SUPT3H: variants seen among roughly 807,000 people sequenced by gnomAD.
SUPT3H encodes SPT3 homolog, SAGA and STAGA complex component.
In SUPT3H, 44 loss-of-function variants were observed where a neutral mutation model predicts 44.3. That is an observed-to-expected ratio of 0.99 (90% CI 0.78 to 1.28). The LOEUF is 1.28. Ranked by LOEUF, SUPT3H falls within the 50% of genes most tolerant of loss-of-function variation. The probability of loss-of-function intolerance (pLI) is 0.00; values close to 1 mark genes in which losing one functional copy is unlikely to be tolerated. For missense variants in SUPT3H, 380 were observed against 387.1 expected (o/e 0.98, Z 0.15); for synonymous variants, 124 against 125.6 (o/e 0.99, Z 0.09).
intron 2 of SUPT3H, among the ~76,000 whole-genome samples, chr6:45,136,618 CAG>C (rs1161968168): frequency 8.1e-5 from 12 of 148,494 alleles, no homozygotes; most frequent in Admixed American, 6.0e-4. Flanking sequence ...AAAAAAAAAA[CAG>C]AAATTCTGGA....
chr6:45,075,485 C>T (rs546691835), intron 3 of SUPT3H, among the ~76,000 whole-genome samples: 125 of 152,188 alleles, frequency 8.2e-4, no homozygotes, highest in African/African-American at 2.9e-3. Flanking sequence ...ATATTTCCTT[C>T]GGAGAGAAAT....
intron 10 of SUPT3H, among the ~76,000 whole-genome samples, chr6:44,896,948 G>A (rs1015075641): frequency 3.3e-5 from 5 of 152,126 alleles, no homozygotes; most frequent in African/African-American, 7.2e-5. Flanking sequence ...GTGCCAAAGC[G>A]CCTTATGCAA....
At chr6:45,038,726 G>A (rs968678937) in intron 3 of SUPT3H, among the ~76,000 whole-genome samples, 9 of 152,006 alleles carry the variant, frequency 5.9e-5, no homozygotes, top group African/African-American at 2.2e-4. Flanking sequence ...AACAAGGCAA[G>A]TGAATACAGC....
intron 2 of SUPT3H, among the ~76,000 whole-genome samples, chr6:45,313,178 C>CA (rs1013571198): frequency 6.6e-6 from 1 of 151,970 alleles, no homozygotes; most frequent in Non-Finnish European, 1.5e-5. Context: ...ACGCCTACAT[C>CA]AAAAAGGTTG....
Position 45,086,402 on chromosome 6 carries a change from T to A in SUPT3H, c.186+19520A>T, listed in dbSNP as rs543663659. ...CATAGGAAATGGTAAACATATAATA[T>A]CACCAAGTCTCCCTTTTTGAAAATT... On this transcript the variant is annotated intron_variant, in intron 3 of 10. Coordinates refer to ENST00000371459, the MANE Select transcript of SUPT3H (RefSeq NM_003599.4). 1.3e-4 allele frequency among the ~76,000 whole-genome samples: 20 copies of A among 152,116 alleles called. 1 individual carries two copies. In the South Asian group the frequency reaches 2.3e-3, roughly 17 times the overall value.
chr6:45,372,440 C>T (rs1179971560), intron 1 of SUPT3H, among the ~76,000 whole-genome samples: 1 of 151,986 alleles, frequency 6.6e-6, no homozygotes, highest in Non-Finnish European at 1.5e-5. Flanking sequence ...TAAGAGTAGA[C>T]CTTTAAAGAC....
intron 2 of SUPT3H, among the ~76,000 whole-genome samples, chr6:45,183,797 C>A (rs1391718219): frequency 6.6e-6 from 1 of 152,128 alleles, no homozygotes; most frequent in Non-Finnish European, 1.5e-5. Flanking sequence ...CTTAAACGTA[C>A]CTTGCTAAGA....
chr6:45,149,200 T>C (rs1310039550), intron 2 of SUPT3H, among the ~76,000 whole-genome samples: 2 of 152,122 alleles, frequency 1.3e-5, no homozygotes. Flanking sequence ...CATCATAAGT[T>C]ACAAATTATA....
At chr6:45,364,081 CT>C (rs1174114461) in intron 2 of SUPT3H, among the ~76,000 whole-genome samples, 3 of 149,960 alleles carry the variant, frequency 2.0e-5, no homozygotes, top group Admixed American at 6.7e-5. Context: ...TGCCACTGCA[CT>C]ACAGCCTGGG....
chr6:45,355,020 G>A (rs1042819547), intron 2 of SUPT3H, among the ~76,000 whole-genome samples: 4 of 152,032 alleles, frequency 2.6e-5, no homozygotes, highest in African/African-American at 9.7e-5. Flanking sequence ...TGTCACCCAG[G>A]CTAAAGTGCA....
At chr6:44,887,136 C>T (rs1314787596) in intron 10 of SUPT3H, among the ~76,000 whole-genome samples, 1 of 152,100 alleles carries the variant, frequency 6.6e-6, no homozygotes, top group South Asian at 2.1e-4. Flanking sequence ...GTGTGACCAA[C>T]AAAGAGACTT....
At chr6:45,044,899 A>G (rs1467000639) in intron 3 of SUPT3H, among the ~76,000 whole-genome samples, 1 of 152,180 alleles carries the variant, frequency 6.6e-6, no homozygotes, top group African/African-American at 2.4e-5. Flanking sequence ...AATAAAAATT[A>G]TTTTAGTGTT....
chr6:45,148,514 C>T (rs1172104259), intron 2 of SUPT3H, among the ~76,000 whole-genome samples: 1 of 152,162 alleles, frequency 6.6e-6, no homozygotes, highest in African/African-American at 2.4e-5. Context: ...CTACAGAAAA[C>T]TGAACCAAGT....
intron 2 of SUPT3H, among the ~76,000 whole-genome samples, chr6:45,212,896 A>G (rs1764369977): frequency 6.6e-6 from 1 of 152,180 alleles, no homozygotes; most frequent in Non-Finnish European, 1.5e-5. Flanking sequence ...ATGATCAAAA[A>G]TTATACAAGG....
intron 3 of SUPT3H, among the ~76,000 whole-genome samples, chr6:45,088,991 A>C (rs931540925): frequency 1.3e-5 from 2 of 152,082 alleles, no homozygotes; most frequent in Non-Finnish European, 1.5e-5. Context: ...TACCAGAATA[A>C]GATGTATTCA....
At chr6:44,830,630 TC>T (rs1379310645) in intron 10 of SUPT3H, among the ~76,000 whole-genome samples, 1 of 152,128 alleles carries the variant, frequency 6.6e-6, no homozygotes, top group East Asian at 1.9e-4. Context: ...CATCCTGAAT[TC>T]CACCATAAGA....
intron 9 of SUPT3H, among the ~76,000 whole-genome samples, chr6:44,937,217 C>T (rs969268258): frequency 4.6e-5 from 7 of 151,878 alleles, no homozygotes; most frequent in Admixed American, 1.3e-4. Context: ...ACTGGCCAGG[C>T]GCAGTGGCTC....
At chr6:44,882,987 G>A (rs992179753) in intron 10 of SUPT3H, among the ~76,000 whole-genome samples, 2 of 152,170 alleles carry the variant, frequency 1.3e-5, no homozygotes, top group African/African-American at 2.4e-5. Context: ...AGACAAGGAT[G>A]GCCTCTCTCA....
chr6:45,102,487 T>C (rs925542949), intron 3 of SUPT3H, among the ~76,000 whole-genome samples: 1 of 152,136 alleles, frequency 6.6e-6, no homozygotes, highest in East Asian at 1.9e-4. Context: ...AGAGTCACAA[T>C]AATTTATTAT....
Sources: gnomAD v4.1 joint callset for allele counts (sites outside exome capture counted in the v4.1 genomes callset) on GRCh38, gnomAD v4.1.1 for gene constraint, MANE v1.5 for transcripts, NCBI Gene and HGNC (gene_info 2026-07-23, HGNC 2026-07-21) for gene names.